The following ALPI variants were observed in gnomAD, a reference collection of about 807,000 sequenced individuals.
ALPI encodes alkaline phosphatase, intestinal, also known as intestinal-type alkaline phosphatase.
ALPI carries 50 observed loss-of-function variants against 51.5 expected under a neutral mutation model. That is an observed-to-expected ratio of 0.97 (90% CI 0.77 to 1.23). The LOEUF (loss-of-function observed/expected upper bound fraction) is 1.23. Ranked by LOEUF, ALPI falls within the 50% of genes most tolerant of loss-of-function variation. The pLI is 0.00. For missense variants in ALPI, 692 were observed against 722.4 expected (o/e 0.96, Z 0.48); for synonymous variants, 322 against 308.2 (o/e 1.04, Z -0.47).
At position 232,459,126 on chromosome 2, in the gene ALPI, G is replaced by A. The variant is rs918327655; in HGVS notation, c.1567G>A (p.Gly523Arg). The A allele has an allele frequency of 1.3e-6, 2 of 1,533,918 alleles. No individual in the cohort carries two copies. Among genetic ancestry groups the A allele is most frequent in the African/African-American group, 2.7e-5 (2 of 72,850 alleles). ...PLLAGTLLLLGASAAP is the reference protein window; with the variant it reads ...PLLAGTLLLLRASAAP ...GCTGGCCGGGACCCTGCTGCTGCTG[G>A]GGGCGTCCGCTGCTCCCTGAGTGCC... Residue 523 changes from glycine to arginine, a missense_variant, in exon 11 of 11, where the codon GGG becomes AGG. Gly to Arg is a moderately radical substitution (Grantham distance 125). Transcript: ENST00000295463.
In ALPI at chr2:232,457,028, C is replaced by A. The variant is rs760292347; in HGVS notation, c.430C>A (p.Arg144Ser). 12 of 1,613,596 alleles carry A rather than the reference C, an allele frequency of 7.4e-6. No individual in the cohort carries two copies. Among genetic ancestry groups the A allele is most frequent in the Non-Finnish European group, 1.0e-5 (12 of 1,180,026 alleles). ...AARFNQCNTT[R>S]GNEVISVMNR... is the part of the protein sequence containing the mutation. ...CCGCTTTAACCAGTGCAACACGACA[C>A]GCGGCAATGAGGTCATCTCCGTGAT... Residue 144 changes from arginine (R) to serine (S), a missense_variant, in exon 4 of 11, where the codon CGC becomes AGC. Coordinates refer to ENST00000295463, the MANE Select transcript of ALPI (RefSeq NM_001631.5). The surrounding 1 kb of genome is among the most constrained non-coding windows in gnomAD (Gnocchi z 4.7).
Position 232,457,608 on chromosome 2 carries a change from C to T in ALPI, c.692C>T (p.Thr231Ile). ...GGRKYMFPMG[T>I]PDPEYPADAS... ...CGCAAGTACATGTTTCCCATGGGGA[C>T]CCCAGACCCTGAGTACCCAGCTGAT... Residue 231 changes from threonine (T) to isoleucine (I), a missense_variant, in exon 6 of 11, where the codon ACC (threonine) becomes ATC (isoleucine). Transcript: ENST00000295463. The surrounding 1 kb of genome is among the most constrained non-coding windows in gnomAD (Gnocchi z 4.7). 2 of 1,613,980 alleles carry T rather than the reference C, an allele frequency of 1.2e-6. No homozygotes were observed. The highest frequency in any genetic ancestry group is 1.7e-6 in the Non-Finnish European group (2 of 1,179,928).
In ALPI at chr2:232,456,540, A is replaced by G; in HGVS notation, c.185-40A>G. The G allele has an allele frequency of 6.2e-7, 1 of 1,610,718 alleles. No individual in the cohort carries two copies. Among genetic ancestry groups the G allele is most frequent in the Non-Finnish European group, 8.5e-7 (1 of 1,178,426 alleles). ...CCGGGACCTTCAGTGGTTCCAGGACAACCCTGGGGCCCAGGACTCACACAT... is the reference window on the plus strand; with the variant it reads ...CCGGGACCTTCAGTGGTTCCAGGACGACCCTGGGGCCCAGGACTCACACAT... On this transcript the variant is annotated intron_variant, in intron 2 of 10. Coordinates refer to ENST00000295463, the MANE Select transcript of ALPI (RefSeq NM_001631.5). The surrounding 1 kb of genome is among the most constrained non-coding windows in gnomAD (Gnocchi z 4.2).
At position 232,457,430 on chromosome 2, in the gene ALPI, G is replaced by A. The variant is rs1436331151; in HGVS notation, c.648+108G>A. On this transcript the variant is annotated intron_variant, in intron 5 of 10. Transcript: ENST00000295463. The surrounding 1 kb of genome is among the most constrained non-coding windows in gnomAD (Gnocchi z 4.7). ...TGGGTCAGCAGGTTCTGGAGGTGGA[G>A]TTGGGGATGTAGAATGTGCAATACA... is the stretch of plus-strand genomic sequence containing the variant. The A allele has an allele frequency of 2.6e-6, 4 of 1,548,552 alleles. No individual in the cohort carries two copies. Among genetic ancestry groups the A allele is most frequent in the Admixed American group, 1.9e-5 (1 of 52,130 alleles).
rs1235152074 is a variant in ALPI, at chr2:232,456,431, G to T, written c.150G>T (p.Lys50Asn). The T allele has an allele frequency of 5.0e-6, 8 of 1,614,050 alleles. No homozygotes were observed. The highest frequency in any genetic ancestry group is 6.8e-6 in the Non-Finnish European group (8 of 1,180,030). The change falls in exon 2 of 11, where the codon AAG becomes AAT. Residue 50 changes from lysine (K) to asparagine (N), a missense_variant. Lys to Asn is a moderately conservative substitution (Grantham distance 94). Coordinates refer to ENST00000295463, the MANE Select transcript of ALPI (RefSeq NM_001631.5). The surrounding 1 kb of genome is among the most constrained non-coding windows in gnomAD (Gnocchi z 4.2). Reference protein sequence around the residue: ...DAAKKLQPIQKVAKNLILFLG... With the variant: ...DAAKKLQPIQNVAKNLILFLG... Reference sequence around the variant, plus strand: ...CCAAGAAGCTGCAGCCCATCCAGAAGGTCGCCAAGAACCTCATCCTCTTCC... The same window carrying T: ...CCAAGAAGCTGCAGCCCATCCAGAATGTCGCCAAGAACCTCATCCTCTTCC...
chr2:232,458,573 T>C, intron 9 of ALPI, 59 bp from the exon 10 acceptor site: 1 of 1,571,860 alleles, frequency 6.4e-7, no homozygotes, highest in South Asian at 1.1e-5. Flanking sequence ...GCCTGGCACA[T>C]AGGAGGCACT....
In ALPI at chr2:232,457,552, C is replaced by A; in HGVS notation, c.649-13C>A. ...CAGGCCCCCAAACCACCTGCCCCAT[C>A]CATTGTCCTCAGGTGATCCTTGGCG... On this transcript the variant is annotated splice_polypyrimidine_tract_variant and intron_variant, in intron 5 of 10. Coordinates refer to ENST00000295463, the MANE Select transcript of ALPI (RefSeq NM_001631.5). This position sits in a 1 kb window ranked among gnomAD's most constrained non-coding sequence, Gnocchi z 4.7. The A allele has an allele frequency of 6.3e-7, 1 of 1,597,966 alleles. No individual in the cohort carries two copies. Among genetic ancestry groups the A allele is most frequent in the Non-Finnish European group, 8.5e-7 (1 of 1,171,844 alleles).
rs1274280601 is a variant in ALPI at position 232,456,530 on chromosome 2, G to A, written c.185-50G>A. The A allele has an allele frequency of 6.2e-7, 1 of 1,610,964 alleles. No homozygotes were observed. Among genetic ancestry groups the A allele is most frequent in the East Asian group, 2.2e-5 (1 of 44,856 alleles). The stretch of plus-strand genomic sequence containing the variant: ...GCCCCGGCACCCGGGACCTTCAGTG[G>A]TTCCAGGACAACCCTGGGGCCCAGG... On this transcript the variant is annotated intron_variant, in intron 2 of 10. Coordinates refer to ENST00000295463, the MANE Select transcript of ALPI (RefSeq NM_001631.5). This position sits in a 1 kb window ranked among gnomAD's most constrained non-coding sequence, Gnocchi z 4.2.
In ALPI at chr2:232,456,511, G is replaced by A. The variant is rs1690188144; in HGVS notation, c.184+46G>A. ...CAGCCCCGTAGTCCTCACAGCCCCG[G>A]CACCCGGGACCTTCAGTGGTTCCAG... On this transcript the variant is annotated intron_variant, in intron 2 of 10. Coordinates refer to ENST00000295463, the MANE Select transcript of ALPI (RefSeq NM_001631.5). The surrounding 1 kb of genome is among the most constrained non-coding windows in gnomAD (Gnocchi z 4.2). 6.2e-7 allele frequency: 1 copy of A among 1,611,888 alleles called. No individual in the cohort carries two copies. The highest frequency in any genetic ancestry group is 8.5e-7 in the Non-Finnish European group (1 of 1,178,878).
rs949284687 is a variant in ALPI at position 232,458,240 on chromosome 2, C to G, written c.1015C>G (p.His339Asp). 1.7e-5 allele frequency: 28 copies of G among 1,614,018 alleles called. 1 individual carries two copies. The highest frequency in any genetic ancestry group is 1.5e-4 in the Admixed American group (9 of 60,006). Reference sequence around the variant, plus strand: ...AGGCGGCCGCATCGACCATGGTCATCATGAGGGTGTGGCTTACCAGGCACT... The same window carrying G: ...AGGCGGCCGCATCGACCATGGTCATGATGAGGGTGTGGCTTACCAGGCACT... ...VEGGRIDHGHHEGVAYQALTE... is the reference protein window; with the variant it reads ...VEGGRIDHGHDEGVAYQALTE... The change falls in exon 9 of 11, where the codon CAT becomes GAT. Residue 339 changes from histidine (H) to aspartate (D), a missense_variant. Transcript: ENST00000295463.
chr2:232,457,551 T>C lies in ALPI; in HGVS notation c.649-14T>C. 6.3e-7 allele frequency: 1 copy of C among 1,597,170 alleles called. No individual in the cohort carries two copies. Among genetic ancestry groups the C allele is most frequent in the Admixed American group, 1.7e-5 (1 of 58,380 alleles). On this transcript the variant is annotated splice_polypyrimidine_tract_variant and intron_variant, in intron 5 of 10. Coordinates refer to ENST00000295463, the MANE Select transcript of ALPI (RefSeq NM_001631.5). This position sits in a 1 kb window ranked among gnomAD's most constrained non-coding sequence, Gnocchi z 4.7. ...CCAGGCCCCCAAACCACCTGCCCCA[T>C]CCATTGTCCTCAGGTGATCCTTGGC... is the stretch of plus-strand genomic sequence containing the variant.
Position 232,456,790 on chromosome 2 carries a change from C to T in ALPI, c.300+95C>T, listed in dbSNP as rs1690200466. 4 of 1,551,382 alleles carry T rather than the reference C, an allele frequency of 2.6e-6. No homozygotes were observed. In the East Asian group the frequency reaches 9.4e-5, roughly 36 times the overall value. Reference sequence around the variant, plus strand: ...GGGAGGGAGCCAGGACAGCTGGGGCCTAAGTTAGGAGCTGGGAGCAGTTAG... The same window carrying T: ...GGGAGGGAGCCAGGACAGCTGGGGCTTAAGTTAGGAGCTGGGAGCAGTTAG... On this transcript the variant is annotated intron_variant, in intron 3 of 10. Coordinates refer to ENST00000295463, the MANE Select transcript of ALPI (RefSeq NM_001631.5). This position sits in a 1 kb window ranked among gnomAD's most constrained non-coding sequence, Gnocchi z 4.2.
At position 232,456,274 on chromosome 2, in the gene ALPI, G is replaced by A. The variant is rs1410384095; in HGVS notation, c.67+8G>A. Reference sequence around the variant, plus strand: ...CCCTGGGCGTCATCCCAGGTAATGAGGCTCCCCAAGCTGTTCCACACACAG... The same window carrying A: ...CCCTGGGCGTCATCCCAGGTAATGAAGCTCCCCAAGCTGTTCCACACACAG... On this transcript the variant is annotated splice_region_variant and intron_variant, in intron 1 of 10. Coordinates refer to ENST00000295463, the MANE Select transcript of ALPI (RefSeq NM_001631.5). This position sits in a 1 kb window ranked among gnomAD's most constrained non-coding sequence, Gnocchi z 4.2. 3.1e-6 allele frequency: 5 copies of A among 1,613,952 alleles called. No individual in the cohort carries two copies.
In ALPI at chr2:232,457,769, G is replaced by A. The variant is rs771505509; in HGVS notation, c.784-26G>A. On this transcript the variant is annotated intron_variant, in intron 6 of 10. Transcript: ENST00000295463. This position sits in a 1 kb window ranked among gnomAD's most constrained non-coding sequence, Gnocchi z 4.7. Reference sequence around the variant, plus strand: ...AAGTGTGTGGGTCTCAGGGCTGTGGGCTGAAGCCTGGCTCTGTCCCTGCAG... The same window carrying A: ...AAGTGTGTGGGTCTCAGGGCTGTGGACTGAAGCCTGGCTCTGTCCCTGCAG... The A allele has an allele frequency of 5.0e-6, 8 of 1,613,426 alleles. No homozygotes were observed. The Admixed American group carries it at 1.3e-4, about 27-fold the overall frequency.
Position 232,457,336 on chromosome 2 carries a change from G to T in ALPI, c.648+14G>T. On this transcript the variant is annotated intron_variant, in intron 5 of 10. Coordinates refer to ENST00000295463, the MANE Select transcript of ALPI (RefSeq NM_001631.5). This position sits in a 1 kb window ranked among gnomAD's most constrained non-coding sequence, Gnocchi z 4.7. ...ATGGACATTGACGTGCGACCCCCGGGCCAAGGGCTGGGGCTGGGCAGAGGG... is the reference window on the plus strand; with the variant it reads ...ATGGACATTGACGTGCGACCCCCGGTCCAAGGGCTGGGGCTGGGCAGAGGG... The T allele has an allele frequency of 6.3e-7, 1 of 1,592,060 alleles. No homozygotes were observed. The highest frequency in any genetic ancestry group is 8.6e-7 in the Non-Finnish European group (1 of 1,168,800).
rs998666630 is a variant in ALPI, at chr2:232,459,177, A to G, written c.*31A>G. The G allele has an allele frequency of 1.3e-6, 2 of 1,512,828 alleles. No individual in the cohort carries two copies. Among genetic ancestry groups the G allele is most frequent in the African/African-American group, 1.4e-5 (1 of 72,448 alleles). 93.7% of individuals were successfully genotyped at this position (1,512,828 alleles called of 1,614,324 possible). ...CCACTCCGGAGTTATCCTGCTCCCC[A>G]CCTCCGGGCGTCCTGCCCTGTTCCC... On this transcript the variant is annotated 3_prime_UTR_variant, in exon 11 of 11. Coordinates refer to ENST00000295463, the MANE Select transcript of ALPI (RefSeq NM_001631.5).
At position 232,456,507 on chromosome 2, in the gene ALPI, C is replaced by T; in HGVS notation, c.184+42C>T. On this transcript the variant is annotated intron_variant, in intron 2 of 10. Coordinates refer to ENST00000295463, the MANE Select transcript of ALPI (RefSeq NM_001631.5). The surrounding 1 kb of genome is among the most constrained non-coding windows in gnomAD (Gnocchi z 4.2). ...TGTCCAGCCCCGTAGTCCTCACAGC[C>T]CCGGCACCCGGGACCTTCAGTGGTT... 6.2e-7 allele frequency: 1 copy of T among 1,612,054 alleles called. No homozygotes were observed. The highest frequency in any genetic ancestry group is 8.5e-7 in the Non-Finnish European group (1 of 1,178,944).
rs1281701765 is a variant in ALPI, at chr2:232,460,061, C to T, written c.*915C>T. The stretch of plus-strand genomic sequence containing the variant: ...CAGTACTACTTCCTAGGAGAAAAAT[C>T]ATGAGTGAGTGTGGGCACAGTATCT... On this transcript the variant is annotated 3_prime_UTR_variant, in exon 11 of 11. Coordinates refer to ENST00000295463, the MANE Select transcript of ALPI (RefSeq NM_001631.5). The T allele has an allele frequency of 6.6e-6, 1 of 152,302 alleles. No homozygotes were observed. Among genetic ancestry groups the T allele is most frequent in the Non-Finnish European group, 1.5e-5 (1 of 68,094 alleles). The allele number at this position is 152,302 out of a possible 1,614,324, so 9.4% of individuals were successfully genotyped here.
chr2:232,457,523 C>A lies in ALPI; in HGVS notation c.649-42C>A, dbSNP rs907528556. On this transcript the variant is annotated intron_variant, in intron 5 of 10. Coordinates refer to ENST00000295463, the MANE Select transcript of ALPI (RefSeq NM_001631.5). The surrounding 1 kb of genome is among the most constrained non-coding windows in gnomAD (Gnocchi z 4.7). ...TATGCATGAGGAGGGGGCACGGGGC[C>A]AGCCAGGCCCCCAAACCACCTGCCC... 2 of 1,571,106 alleles carry A rather than the reference C, an allele frequency of 1.3e-6. No homozygotes were observed.
Sources: gnomAD v4.1 joint callset for allele counts on GRCh38, gnomAD v4.1.1 for gene constraint, Gnocchi (gnomAD v3.1) non-coding constraint, MANE v1.5 for transcripts, NCBI Gene and HGNC (gene_info 2026-07-23, HGNC 2026-07-21) for gene names.